Variants in HPCAL4 observed in about 807,000 individuals in gnomAD.
The protein encoded by HPCAL4 is hippocalcin like 4, also known as hippocalcin-like protein 4.
HPCAL4 carries 16 observed loss-of-function variants against 18.2 expected under a neutral mutation model. That is an observed-to-expected ratio of 0.88 (90% confidence interval 0.59 to 1.33). The LOEUF (loss-of-function observed/expected upper bound fraction) is 1.33. Among genes scored for constraint, HPCAL4 ranks in the 40% most tolerant of loss-of-function variants. The probability of loss-of-function intolerance (pLI) is 0.00; values close to 1 mark genes in which losing one functional copy is unlikely to be tolerated. For synonymous variants in HPCAL4, 80 were observed against 97.5 expected, an observed-to-expected ratio of 0.82 and a Z score of 1.06; for missense variants, 214 against 256.6, an observed-to-expected ratio of 0.83 and a Z score of 1.14.
chr1:39,687,004 T>C (rs785108), intron 1 of HPCAL4, among the ~76,000 whole-genome samples: 90,510 of 152,076 alleles, frequency 0.6, 27,701 homozygotes, highest in East Asian at 0.93. Flanking sequence ...AAACACTAAA[T>C]AGCAAATCTG....
At position 39,682,610 on chromosome 1, in the gene HPCAL4, A is replaced by G. The variant is rs138153096; in HGVS notation, c.502T>C (p.Leu168=). The change falls in exon 4 of 4, where the codon TTG becomes CTG. Residue 168 remains leucine, a synonymous_variant. Coordinates refer to ENST00000372844, the MANE Select transcript of HPCAL4 (RefSeq NM_016257.4). ...TTGGCTGCCTCCTTGAACTCCTCCAATGTAATCTGGTCGTCCTTATCCTGG... is the reference window on the plus strand; with the variant it reads ...TTGGCTGCCTCCTTGAACTCCTCCAGTGTAATCTGGTCGTCCTTATCCTGG... ...MDQDKDDQIT[L]EEFKEAAKSD... 7.6e-4 allele frequency: 1,225 copies of G among 1,614,216 alleles called. 7 individuals carry two copies. In the African/African-American group the frequency reaches 8.4e-3, roughly 11 times the overall value.
At chr1:39,685,743 C>T (rs1044072027) in intron 1 of HPCAL4, among the ~76,000 whole-genome samples, 3 of 151,228 alleles carry the variant, frequency 2.0e-5, no homozygotes, top group African/African-American at 7.3e-5. Flanking sequence ...AGCTGGGCGT[C>T]GTGGCAGGCG....
chr1:39,686,556 AAG>A (rs1646677160), intron 1 of HPCAL4, among the ~76,000 whole-genome samples: 1 of 152,134 alleles, frequency 6.6e-6, no homozygotes, highest in Non-Finnish European at 1.5e-5. Flanking sequence ...ATGTGGGAGT[AAG>A]AGGAACAGAG....
intron 1 of HPCAL4, among the ~76,000 whole-genome samples, chr1:39,688,937 A>G (rs1287151269): frequency 6.6e-6 from 1 of 152,132 alleles, no homozygotes; most frequent in East Asian, 1.9e-4. Context: ...TCAGTCCCCC[A>G]CAGGCGTGTA....
At chr1:39,688,141 CCA>C (rs1646691010) in intron 1 of HPCAL4, among the ~76,000 whole-genome samples, 1 of 152,142 alleles carries the variant, frequency 6.6e-6, no homozygotes, top group African/African-American at 2.4e-5. Flanking sequence ...CCTTCTCCAC[CCA>C]CATCTGCCCT....
chr1:39,686,694 G>A (rs1167325882), intron 1 of HPCAL4, among the ~76,000 whole-genome samples: 5 of 152,222 alleles, frequency 3.3e-5, no homozygotes, highest in Admixed American at 3.3e-4. Flanking sequence ...GCTGTGCCAG[G>A]GGAAGTGTTT....
chr1:39,687,965 G>A (rs564030486), intron 1 of HPCAL4, among the ~76,000 whole-genome samples: 39 of 152,200 alleles, frequency 2.6e-4, no homozygotes, highest in African/African-American at 8.9e-4. Context: ...TGCCCTTTAA[G>A]ATCATCCCCT....
At position 39,684,594 on chromosome 1, in the gene HPCAL4, T is replaced by G; in HGVS notation, c.10A>C (p.Thr4Pro). Reference protein sequence around the residue: MGKTNSKLAPEVLE... With the variant: MGKPNSKLAPEVLE... ...ACCTCGGGGGCCAGCTTGCTGTTGG[T>G]CTTCCCCATGGCGGGGCCTGTGGGA... is the stretch of plus-strand genomic sequence containing the variant. Residue 4 changes from threonine to proline, a missense_variant, in exon 2 of 4, where the codon ACC (threonine) becomes CCC (proline). Transcript: ENST00000372844. 2 of 1,601,226 alleles carry G rather than the reference T, an allele frequency of 1.2e-6. No homozygotes were observed. Among genetic ancestry groups the G allele is most frequent in the Middle Eastern group, 1.7e-4 (1 of 5,912 alleles).
chr1:39,679,126 A>C lies in HPCAL4; in HGVS notation c.*3410T>G, dbSNP rs1464214292. On this transcript the variant is annotated 3_prime_UTR_variant, in exon 4 of 4. Coordinates refer to ENST00000372844, the MANE Select transcript of HPCAL4 (RefSeq NM_016257.4). Reference sequence around the variant, plus strand: ...ATCTTCAGGAAATATTTGTTGCTTCAATACATTTTTGTGTAAAAAATATTT... The same window carrying C: ...ATCTTCAGGAAATATTTGTTGCTTCCATACATTTTTGTGTAAAAAATATTT... 3 of 152,210 alleles carry C rather than the reference A, an allele frequency of 2.0e-5. No homozygotes were observed. The highest frequency in any genetic ancestry group is 2.9e-5 in the Non-Finnish European group (2 of 68,040). 9.4% of individuals were successfully genotyped at this position (152,210 alleles called of 1,614,324 possible).
At chr1:39,682,811 G>T in intron 3 of HPCAL4, 78 bp from the exon 4 acceptor site, 1 of 1,134,718 alleles carries the variant, frequency 8.8e-7, no homozygotes, top group Non-Finnish European at 1.3e-6. Flanking sequence ...AAGGGATCTG[G>T]CAGGGAGAAC....
chr1:39,684,961 C>T (rs955006446), intron 1 of HPCAL4, among the ~76,000 whole-genome samples: 4 of 152,292 alleles, frequency 2.6e-5, no homozygotes, highest in African/African-American at 7.2e-5. Flanking sequence ...GAAGTCAGCC[C>T]CCACCCTCCT....
At chr1:39,683,655 T>C (rs775641417) in intron 3 of HPCAL4, among the ~76,000 whole-genome samples, 2 of 152,198 alleles carry the variant, frequency 1.3e-5, no homozygotes, top group African/African-American at 2.4e-5. Context: ...GTTGACAGAA[T>C]GAGTTGAAAA....
At chr1:39,684,643 C>A in intron 1 of HPCAL4, 32 bp from the exon 2 acceptor site, 1 of 1,528,684 alleles carries the variant, frequency 6.5e-7, no homozygotes, top group South Asian at 1.3e-5. Context: ...CCGACTGGGT[C>A]CAGGGAAAGG....
At chr1:39,687,726 A>C (rs901879486) in intron 1 of HPCAL4, among the ~76,000 whole-genome samples, 4 of 152,154 alleles carry the variant, frequency 2.6e-5, no homozygotes, top group African/African-American at 9.7e-5. Flanking sequence ...CAAGATAAGG[A>C]AACCCTGTTT....
rs1190544570 is a variant in HPCAL4, at chr1:39,679,691, C to CTCTA, written c.*2841_*2844dup. 4 of 152,254 alleles carry CTCTA rather than the reference C, an allele frequency of 2.6e-5. No individual in the cohort carries two copies. Among genetic ancestry groups the CTCTA allele is most frequent in the African/African-American group, 9.6e-5 (4 of 41,456 alleles). 9.4% of individuals were successfully genotyped at this position (152,254 alleles called of 1,614,324 possible). A position where few individuals can be genotyped will look rare whatever the true frequency, so the allele number is the denominator to read the frequency against. Reference sequence around the variant, plus strand: ...GTCTCTTCTCAAGGCAGGGCCAGTGCTCTACCACAGTGCTCCTGAGCACAC... The same window carrying CTCTA: ...GTCTCTTCTCAAGGCAGGGCCAGTGCTCTATCTACCACAGTGCTCCTGAGCACAC... On this transcript the variant is annotated 3_prime_UTR_variant, in exon 4 of 4. Transcript: ENST00000372844.
chr1:39,684,802 T>G (rs898532151), intron 1 of HPCAL4, among the ~76,000 whole-genome samples, 191 bp from the exon 2 acceptor site: 1 of 151,842 alleles, frequency 6.6e-6, no homozygotes, highest in Non-Finnish European at 1.5e-5. Flanking sequence ...GCCCCGGGGG[T>G]CTCCCGCCTT....
At position 39,684,514 on chromosome 1, in the gene HPCAL4, C is replaced by T. The variant is rs769802023; in HGVS notation, c.90G>A (p.Trp30Ter). 5.0e-6 allele frequency: 8 copies of T among 1,613,570 alleles called. No individual in the cohort carries two copies. The African/African-American group carries it at 1.1e-4, about 22-fold the overall frequency. Residue 30 changes from tryptophan to a stop codon, truncating the protein, a stop_gained, in exon 2 of 4, where the codon TGG (tryptophan) becomes TGA (stop). Transcript: ENST00000372844. LOFTEE classifies it high-confidence loss of function. ...TEFSEQELKQ[W>*]YKGFLKDCPS... ...GGCAGTCCTTCAGGAAGCCCTTGTA[C>T]CACTGCTTCAGCTCCTGCTCGCTGA...
chr1:39,687,274 A>G (rs1034420759), intron 1 of HPCAL4, among the ~76,000 whole-genome samples: 3 of 152,200 alleles, frequency 2.0e-5, no homozygotes, highest in Non-Finnish European at 4.4e-5. Context: ...ATGCCTCTGG[A>G]ACACCCATAG....
intron 1 of HPCAL4, among the ~76,000 whole-genome samples, chr1:39,685,806 G>T (rs1457473353): frequency 6.9e-6 from 1 of 144,630 alleles, no homozygotes. Context: ...CGTCAACCCA[G>T]GAGGGAGAGC....
Sources: allele counts gnomAD v4.1 joint callset (sites outside exome capture counted in the v4.1 genomes callset), GRCh38; gene constraint gnomAD v4.1.1; transcripts MANE v1.5; gene names NCBI Gene and HGNC (gene_info 2026-07-23, HGNC 2026-07-21).